ATF7IP: variants seen among roughly 807,000 people sequenced by gnomAD.
The protein encoded by ATF7IP is activating transcription factor 7-interacting protein 1.
A neutral mutation model predicts 106.4 loss-of-function variants in ATF7IP; 23 were observed. The observed-to-expected ratio is 0.22, with a 90% CI of 0.16 to 0.31. ATF7IP has a LOEUF of 0.31. ATF7IP is among the 10% of genes least tolerant of loss of function. The pLI is 1.00. For missense variants in ATF7IP, 1,334 were observed against 1,524.3 expected (o/e 0.88, Z 2.08); for synonymous variants, 542 against 539.0 (o/e 1.01, Z -0.08).
intron 1 of ATF7IP, among the ~76,000 whole-genome samples, chr12:14,386,364 T>A (rs28680266): frequency 6.6e-6 from 1 of 152,132 alleles, no homozygotes; most frequent in Non-Finnish European, 1.5e-5. Flanking sequence ...AGGCATACTT[T>A]AAGCAGCAAT....
At chr12:14,370,921 G>A (rs1278667417) in intron 1 of ATF7IP, among the ~76,000 whole-genome samples, 2 of 150,938 alleles carry the variant, frequency 1.3e-5, no homozygotes, top group African/African-American at 4.9e-5. Flanking sequence ...TTTTTTGATG[G>A]AGGAATTTGA....
At chr12:14,437,801 C>T (rs1428387140) in intron 4 of ATF7IP, among the ~76,000 whole-genome samples, 1 of 152,132 alleles carries the variant, frequency 6.6e-6, no homozygotes, top group Non-Finnish European at 1.5e-5. Context: ...CGCCTGTAAT[C>T]CCAGCACTTT....
intron 1 of ATF7IP, among the ~76,000 whole-genome samples, chr12:14,405,315 C>G (rs1940500922): frequency 6.7e-6 from 1 of 150,028 alleles, no homozygotes; most frequent in Non-Finnish European, 1.5e-5. Flanking sequence ...CAATCTTGCT[C>G]TGCTATAGAA....
At chr12:14,428,295 T>C (rs1292323298) in intron 2 of ATF7IP, among the ~76,000 whole-genome samples, 1 of 152,248 alleles carries the variant, frequency 6.6e-6, no homozygotes, top group Non-Finnish European at 1.5e-5. Flanking sequence ...TTGCATACTT[T>C]GAAAATTCAA....
chr12:14,397,555 G>A (rs564951425), intron 1 of ATF7IP, among the ~76,000 whole-genome samples: 49 of 152,070 alleles, frequency 3.2e-4, no homozygotes, highest in Non-Finnish European at 5.0e-4. Flanking sequence ...ATTAACATTT[G>A]TTGATTTTGA....
At chr12:14,462,852 T>C (rs1943694858) in intron 9 of ATF7IP, among the ~76,000 whole-genome samples, 1 of 151,960 alleles carries the variant, frequency 6.6e-6, no homozygotes, top group African/African-American at 2.4e-5. Context: ...CATTTATATA[T>C]TTTTAATATG....
chr12:14,449,748 G>A (rs1943122824), intron 6 of ATF7IP, among the ~76,000 whole-genome samples: 1 of 149,978 alleles, frequency 6.7e-6, no homozygotes, highest in Non-Finnish European at 1.5e-5. Context: ...TTGCAATATT[G>A]ATAGGGATTG....
chr12:14,438,035 A>T lies in ATF7IP; in HGVS notation c.1792-95A>T, dbSNP rs1006237310. On this transcript the variant is annotated intron_variant, in intron 4 of 14. Coordinates refer to ENST00000261168, the MANE Select transcript of ATF7IP (RefSeq NM_018179.5). ...GCCACTGCACTCCAGCCTGGGCGAC[A>T]GAGCGAGACTCTGTCTCAAAAAAAA... The T allele has an allele frequency of 1.1e-5, 13 of 1,212,954 alleles. No individual in the cohort carries two copies. In the African/African-American group the frequency reaches 2.0e-4, roughly 19 times the overall value. 75.1% of individuals were successfully genotyped at this position (1,212,954 alleles called of 1,614,324 possible).
intron 5 of ATF7IP, among the ~76,000 whole-genome samples, chr12:14,440,339 C>T (rs1046041238): frequency 1.3e-5 from 2 of 152,160 alleles, no homozygotes; most frequent in Non-Finnish European, 2.9e-5. Context: ...TTCTAAAATA[C>T]TGATTACTTC....
chr12:14,438,220 A>G lies in ATF7IP; in HGVS notation c.1882A>G (p.Lys628Glu). Residue 628 changes from lysine (K) to glutamate (E), a missense_variant, in exon 5 of 15, where the codon AAG becomes GAG. Coordinates refer to ENST00000261168, the MANE Select transcript of ATF7IP (RefSeq NM_018179.5). ...TLAELKTRVE[K>E]IECNKRHKTV... ...GGCAGAATTGAAAACACGAGTGGAA[A>G]AGATTGAATGTAACAAGAGGCATAA... is the stretch of plus-strand genomic sequence containing the variant. 3 of 1,613,188 alleles carry G rather than the reference A, an allele frequency of 1.9e-6. No homozygotes were observed. Among genetic ancestry groups the G allele is most frequent in the Non-Finnish European group, 2.5e-6 (3 of 1,179,926 alleles).
chr12:14,480,029 T>C (rs1184888097), intron 12 of ATF7IP, among the ~76,000 whole-genome samples: 1 of 152,194 alleles, frequency 6.6e-6, no homozygotes, highest in Non-Finnish European at 1.5e-5. Flanking sequence ...TCTTTCTTGT[T>C]AATACTTTCT....
chr12:14,430,394 A>T (rs1448119104), intron 2 of ATF7IP, among the ~76,000 whole-genome samples: 7 of 152,084 alleles, frequency 4.6e-5, no homozygotes, highest in Non-Finnish European at 7.4e-5. Context: ...ATGGGAGGGG[A>T]AGAATTGGAG....
chr12:14,384,298 C>T (rs1479363866), intron 1 of ATF7IP, among the ~76,000 whole-genome samples: 1 of 152,160 alleles, frequency 6.6e-6, no homozygotes, highest in Non-Finnish European at 1.5e-5. Flanking sequence ...GATTCTATTG[C>T]TGATGTGAAC....
Position 14,405,617 on chromosome 12 carries a change from A to G in ATF7IP, c.-7-18292A>G, listed in dbSNP as rs879440965. Among the ~76,000 whole-genome samples, 7 of 151,760 alleles carry G rather than the reference A, an allele frequency of 4.6e-5. No individual in the cohort carries two copies. The East Asian group carries it at 5.8e-4, about 13-fold the overall frequency. On this transcript the variant is annotated intron_variant, in intron 1 of 14. Coordinates refer to ENST00000261168, the MANE Select transcript of ATF7IP (RefSeq NM_018179.5). ...TTTTTTGTTGAGACAGGGTCTCACT[A>G]TGTTGTCCAGGCTCATCTTGAACTT...
intron 13 of ATF7IP, 102 bp from the exon 14 acceptor site, chr12:14,496,129 C>T (rs1276068840): frequency 1.4e-6 from 1 of 719,076 alleles, no homozygotes; most frequent in Non-Finnish European, 2.3e-6. Context: ...CCTTTCGAAT[C>T]TTGAAAACAT....
At chr12:14,378,105 T>C (rs1224755968) in intron 1 of ATF7IP, among the ~76,000 whole-genome samples, 16 of 150,900 alleles carry the variant, frequency 1.1e-4, no homozygotes, top group African/African-American at 3.7e-4. Context: ...TTTTTCTTTT[T>C]TTTTTTTTTT....
intron 10 of ATF7IP, among the ~76,000 whole-genome samples, chr12:14,470,958 G>T (rs1322542221): frequency 6.6e-6 from 1 of 152,070 alleles, no homozygotes; most frequent in East Asian, 1.9e-4. Context: ...ATTCCTCTGA[G>T]CACTGCTTTG....
intron 13 of ATF7IP, 163 bp downstream of exon 13, chr12:14,481,348 A>G: frequency 1.6e-6 from 1 of 644,856 alleles, no homozygotes; most frequent in Non-Finnish European, 2.6e-6. Context: ...CATAGAAACT[A>G]TAGTATAGTT....
intron 8 of ATF7IP, among the ~76,000 whole-genome samples, chr12:14,458,088 T>C (rs1374539160): frequency 2.0e-5 from 3 of 151,266 alleles, no homozygotes. Flanking sequence ...AGAGTGGGAC[T>C]TCCTCTCAAA....
Sources: allele counts gnomAD v4.1 joint callset (sites outside exome capture counted in the v4.1 genomes callset), GRCh38; gene constraint gnomAD v4.1.1; transcripts MANE v1.5; gene names NCBI Gene and HGNC (gene_info 2026-07-23, HGNC 2026-07-21).